ANK2: variants seen among roughly 807,000 people sequenced by gnomAD.
The protein encoded by ANK2 is ankyrin 2.
ANK2 carries 83 observed loss-of-function variants against 360.5 expected under a neutral mutation model. The observed-to-expected ratio is 0.23, with a 90% CI of 0.19 to 0.28. The LOEUF (loss-of-function observed/expected upper bound fraction) is 0.28. Among genes scored for constraint, ANK2 ranks in the 10% least tolerant of loss-of-function variants. The pLI, the probability that ANK2 is intolerant of heterozygous loss-of-function variation, is 1.00. For missense variants in ANK2, 4,201 were observed against 4,795.7 expected, an observed-to-expected ratio of 0.88 and a Z score of 3.66; for synonymous variants, 1,740 against 1,759.5, an observed-to-expected ratio of 0.99 and a Z score of 0.28.
At chr4:112,877,293 G>A (rs1415192646) in intron 1 of ANK2, among the ~76,000 whole-genome samples, 2 of 152,126 alleles carry the variant, frequency 1.3e-5, no homozygotes, top group African/African-American at 4.8e-5. Flanking sequence ...AATAATTAAA[G>A]GAGAATGTTC....
chr4:113,293,538 A>G lies in ANK2; in HGVS notation c.2475A>G (p.Thr825=). ...CTGAGGAGGTCACCACCACCACCACAGTGAGTATGAGTGACTGACTAGCTT... is the reference window on the plus strand; with the variant it reads ...CTGAGGAGGTCACCACCACCACCACGGTGAGTATGAGTGACTGACTAGCTT... ...VVTEEVTTTT[T]TITEKHKLNV... is the part of the protein sequence containing the mutation. The change falls in exon 22 of 46, where the codon ACA becomes ACG. Residue 825 remains threonine, a splice_region_variant and synonymous_variant. Coordinates refer to ENST00000357077, the MANE Select transcript of ANK2 (RefSeq NM_001148.6). 3 of 1,608,336 alleles carry G rather than the reference A, an allele frequency of 1.9e-6. No individual in the cohort carries two copies. Among genetic ancestry groups the G allele is most frequent in the Non-Finnish European group, 2.6e-6 (3 of 1,175,966 alleles).
intron 9 of ANK2, among the ~76,000 whole-genome samples, chr4:113,246,957 T>G (rs932427509): frequency 9.9e-5 from 15 of 152,246 alleles, no homozygotes; most frequent in African/African-American, 3.1e-4. Flanking sequence ...GACACAGAAC[T>G]TTGTAATCAG....
chr4:113,357,703 C>T lies in ANK2; in HGVS notation c.9085C>T (p.Gln3029Ter). Reference sequence around the variant, plus strand: ...CGCTACAACAACAGTTGTTGGTGAACAAATAAGCAAAGTCATCATCACAAA... The same window carrying T: ...CGCTACAACAACAGTTGTTGGTGAATAAATAAGCAAAGTCATCATCACAAA... The part of the protein sequence containing the change: ...MSATTTVVGE[Q>*]ISKVIITKTD... Residue 3029 changes from glutamine to a stop codon, truncating the protein, a stop_gained, in exon 38 of 46, where the codon CAA (glutamine) becomes TAA (stop). Coordinates refer to ENST00000357077, the MANE Select transcript of ANK2 (RefSeq NM_001148.6). LOFTEE classifies it high-confidence loss of function. 6.2e-7 allele frequency: 1 copy of T among 1,614,072 alleles called. No homozygotes were observed. The highest frequency in any genetic ancestry group is 8.5e-7 in the Non-Finnish European group (1 of 1,179,976).
chr4:113,132,906 G>GA (rs2096144808), intron 1 of ANK2, among the ~76,000 whole-genome samples: 1 of 152,152 alleles, frequency 6.6e-6, no homozygotes, highest in African/African-American at 2.4e-5. Context: ...TATTGGGAAA[G>GA]AAAAATGTTG....
intron 1 of ANK2, among the ~76,000 whole-genome samples, chr4:112,885,982 G>A (rs1475047306): frequency 6.6e-6 from 1 of 152,062 alleles, no homozygotes; most frequent in Non-Finnish European, 1.5e-5. Context: ...CCTGGCACAT[G>A]GAAGTGGAGC....
At chr4:112,848,772 A>G (rs72908852) in intron 1 of ANK2, among the ~76,000 whole-genome samples, 7,861 of 152,270 alleles carry the variant, frequency 0.052, 504 homozygotes, top group African/African-American at 0.15. Context: ...TAGACATGGA[A>G]TAAATGCCTA....
intron 1 of ANK2, among the ~76,000 whole-genome samples, chr4:113,081,248 A>T (rs2082295418): frequency 6.6e-6 from 1 of 152,312 alleles, no homozygotes; most frequent in East Asian, 1.9e-4. Flanking sequence ...TAAACTCAGT[A>T]TTAATTGTGC....
At chr4:113,188,669 A>C (rs894490458) in intron 2 of ANK2, among the ~76,000 whole-genome samples, 4 of 152,212 alleles carry the variant, frequency 2.6e-5, no homozygotes, top group Admixed American at 6.5e-5. Flanking sequence ...GATTGGCACT[A>C]AAATAAACAT....
At chr4:113,317,456 G>T in intron 24 of ANK2, 1 of 519,906 alleles carries the variant, frequency 1.9e-6, no homozygotes. Flanking sequence ...AAATGAATCA[G>T]ATTAGGAGTA....
At chr4:113,360,932 C>T (rs1490003772) in intron 39 of ANK2, 35 bp downstream of exon 39, 1 of 1,583,086 alleles carries the variant, frequency 6.3e-7, no homozygotes, top group African/African-American at 1.3e-5. Context: ...TCAACAAAAC[C>T]TGACATAGAT....
intron 1 of ANK2, among the ~76,000 whole-genome samples, chr4:112,898,718 G>A (rs2082420866): frequency 6.6e-6 from 1 of 152,152 alleles, no homozygotes; most frequent in Non-Finnish European, 1.5e-5. Context: ...AAAAACAAAT[G>A]AAAGAGTTCA....
At chr4:113,302,638 C>T (rs1189029267) in intron 22 of ANK2, 129 bp from the exon 23 acceptor site, 7 of 737,608 alleles carry the variant, frequency 9.5e-6, no homozygotes, top group Middle Eastern at 2.3e-4. Flanking sequence ...AATATACACG[C>T]GGGAAAGATC....
intron 1 of ANK2, among the ~76,000 whole-genome samples, chr4:113,073,017 A>G (rs1215609218): frequency 7.8e-6 from 1 of 127,740 alleles, no homozygotes; most frequent in Non-Finnish European, 1.5e-5. Context: ...GCTGGAGTAC[A>G]GTGGTGCAAT....
the ANK2 span, among the ~76,000 whole-genome samples, chr4:112,803,644 G>A: frequency 0.56 from 85,086 of 151,836 alleles, 24,627 homozygotes; most frequent in East Asian, 0.88. Flanking sequence ...AATTGTGAGA[G>A]AATAAATATC....
At chr4:113,036,244 T>G (rs1306951718) in intron 2 of ANK2, among the ~76,000 whole-genome samples, 1 of 141,998 alleles carries the variant, frequency 7.0e-6, no homozygotes, top group Non-Finnish European at 1.5e-5. Flanking sequence ...TCAAGGACTT[T>G]TAGTAGTAAA....
chr4:113,319,037 G>A (rs1289515857), intron 26 of ANK2, among the ~76,000 whole-genome samples: 2 of 152,152 alleles, frequency 1.3e-5, no homozygotes, highest in Non-Finnish European at 2.9e-5. Context: ...AGATGCTAAT[G>A]CATTTCAAAT....
rs1007647462 is a variant in ANK2, at chr4:112,963,980, A to G, written c.21+59466A>G. ...AATGGTTACATTTTATTATTATTTGACTATATCCCTATTATTGAATTCTTA... is the reference window on the plus strand; with the variant it reads ...AATGGTTACATTTTATTATTATTTGGCTATATCCCTATTATTGAATTCTTA... On this transcript the variant is annotated intron_variant, in intron 2 of 30. Coordinates refer to the ANK2 transcript ENST00000503271. 5.9e-5 allele frequency among the ~76,000 whole-genome samples: 9 copies of G among 151,758 alleles called. No individual in the cohort carries two copies. The South Asian group carries it at 1.5e-3, about 25-fold the overall frequency.
In ANK2 at chr4:113,381,544, T is replaced by C. The variant is rs753299388; in HGVS notation, c.*73T>C. 1.9e-5 allele frequency: 30 copies of C among 1,613,170 alleles called. No individual in the cohort carries two copies. The highest frequency in any genetic ancestry group is 2.7e-5 in the African/African-American group (2 of 74,902). On this transcript the variant is annotated 3_prime_UTR_variant, in exon 46 of 46. Transcript: ENST00000357077. Reference sequence around the variant, plus strand: ...GCATTGACTTGGAGCACCTGGAGGATGTACCAGAAGCACTAGACCAGGACG... The same window carrying C: ...GCATTGACTTGGAGCACCTGGAGGACGTACCAGAAGCACTAGACCAGGACG...
chr4:112,912,817 C>T (rs970704330), intron 2 of ANK2, among the ~76,000 whole-genome samples: 7 of 151,850 alleles, frequency 4.6e-5, no homozygotes, highest in Admixed American at 1.3e-4. Context: ...AGTTCAAGTC[C>T]AGCCTGGGCA....
Sources: allele counts gnomAD v4.1 joint callset (sites outside exome capture counted in the v4.1 genomes callset), GRCh38; gene constraint gnomAD v4.1.1; transcripts MANE v1.5; gene names NCBI Gene and HGNC (gene_info 2026-07-23, HGNC 2026-07-21).